Variants in EVL observed in about 807,000 individuals in gnomAD.
EVL encodes Enah/Vasp-like, also known as ena/VASP-like protein.
In EVL, 21 loss-of-function variants were observed where a neutral mutation model predicts 59.6. The ratio of observed to expected loss-of-function variants is 0.35; its 90% CI spans 0.25 to 0.51. The LOEUF (loss-of-function observed/expected upper bound fraction) is 0.51. EVL is among the 20% of genes least tolerant of loss of function. EVL has a pLI of 0.97. For synonymous variants in EVL, 198 were observed against 203.5 expected, an observed-to-expected ratio of 0.97 and a Z score of 0.23; for missense variants, 462 against 546.6, an observed-to-expected ratio of 0.85 and a Z score of 1.54.
At chr14:100,070,508 C>G (rs1262381984) in intron 1 of EVL, among the ~76,000 whole-genome samples, 1 of 152,210 alleles carries the variant, frequency 6.6e-6, no homozygotes, top group East Asian at 1.9e-4. Flanking sequence ...CCTCGTCTGT[C>G]CTGTAGCACC....
At chr14:100,106,697 C>A (rs1886593372) in intron 3 of EVL, 1 of 397,452 alleles carries the variant, frequency 2.5e-6, no homozygotes, top group African/African-American at 2.1e-5. Flanking sequence ...AAAAAGAGGA[C>A]CATCGGGCCT....
At chr14:100,111,148 A>ATTTTTTTTTT (rs35367426) in intron 3 of EVL, among the ~76,000 whole-genome samples, 10 of 86,796 alleles carry the variant, frequency 1.2e-4, no homozygotes, top group Non-Finnish European at 1.5e-4. Context: ...TAGTGTCCTC[A>ATTTTTTTTTT]TTTTTTTTTT....
Position 100,084,607 on chromosome 14 carries a change from G to T in EVL, c.12-80G>T, listed in dbSNP as rs1320296965. On this transcript the variant is annotated intron_variant, in intron 1 of 13. Coordinates refer to ENST00000392920, the MANE Select transcript of EVL (RefSeq NM_016337.3). ...AGTTTCTTTATGTCAAGTAGCAATT[G>T]GCCTCTATTTCAGAAAAGGGCAAAG... 5.5e-6 allele frequency: 8 copies of T among 1,453,990 alleles called. No homozygotes were observed. The African/African-American group carries it at 7.0e-5, about 13-fold the overall frequency. 90.1% of individuals were successfully genotyped at this position (1,453,990 alleles called of 1,614,324 possible).
chr14:100,028,118 G>GTTT (rs199895832), intron 1 of EVL, among the ~76,000 whole-genome samples: 1 of 113,740 alleles, frequency 8.8e-6, no homozygotes, highest in East Asian at 3.2e-4. Context: ...ACTTTTAGTT[G>GTTT]TTTTTTTGTT....
At chr14:99,999,495 A>G (rs983617569) in intron 1 of EVL, among the ~76,000 whole-genome samples, 1 of 152,242 alleles carries the variant, frequency 6.6e-6, no homozygotes. Flanking sequence ...TAAGTACTCA[A>G]TAAACAGCAC....
At position 100,132,627 on chromosome 14, in the gene EVL, G is replaced by A. The variant is rs539574105; in HGVS notation, c.840-92G>A. Reference sequence around the variant, plus strand: ...TCCCACACAGGTTTATCTGAGGACCGGGGTGAGTCTGGCAGGGTGGAGGCA... The same window carrying A: ...TCCCACACAGGTTTATCTGAGGACCAGGGTGAGTCTGGCAGGGTGGAGGCA... On this transcript the variant is annotated intron_variant, in intron 7 of 13. Coordinates refer to ENST00000392920, the MANE Select transcript of EVL (RefSeq NM_016337.3). The A allele has an allele frequency of 2.3e-5, 32 of 1,378,872 alleles. 1 individual carries two copies. In the South Asian group the frequency reaches 3.4e-4, roughly 14 times the overall value. The allele number at this position is 1,378,872 out of a possible 1,614,324, so 85.4% of individuals were successfully genotyped here. A position where few individuals can be genotyped will look rare whatever the true frequency, so the allele number is the denominator to read the frequency against.
At chr14:99,992,957 A>T (rs950377856) in intron 1 of EVL, among the ~76,000 whole-genome samples, 4 of 151,086 alleles carry the variant, frequency 2.6e-5, no homozygotes, top group African/African-American at 9.7e-5. Context: ...ATTAATTGAG[A>T]TGATTATATG....
chr14:100,129,491 C>A, intron 6 of EVL, 72 bp from the exon 7 acceptor site: 1 of 1,600,502 alleles, frequency 6.2e-7, no homozygotes. Flanking sequence ...TCCCCTGCAT[C>A]CCCTCACATC....
chr14:100,087,820 T>G lies in EVL; in HGVS notation c.180+2965T>G, dbSNP rs35500770. Among the ~76,000 whole-genome samples the G allele has an allele frequency of 6.2e-3, 946 of 152,316 alleles. 9 individuals carry two copies. The highest frequency in any genetic ancestry group is 0.016 in the South Asian group (75 of 4,824). On this transcript the variant is annotated intron_variant, in intron 2 of 13. Coordinates refer to ENST00000392920, the MANE Select transcript of EVL (RefSeq NM_016337.3). ...GTGGGTCATTCTTCCCGCAGAATGC[T>G]GGGACTGCATCTGAGTACAACAAAC...
In EVL at chr14:100,059,572, A is replaced by T. The variant is rs115163188; in HGVS notation, c.6-25115A>T. 9.5e-3 allele frequency among the ~76,000 whole-genome samples: 1,445 copies of T among 152,206 alleles called. 18 individuals carry two copies. Among genetic ancestry groups the T allele is most frequent in the African/African-American group, 0.033 (1,357 of 41,522 alleles). On this transcript the variant is annotated intron_variant, in intron 1 of 13. Coordinates refer to the EVL transcript ENST00000402714. ...AGAGATCGCCTGCTGTAGGGCTGAG[A>T]GCTGAATGATGATGCCAGAGGTCAT...
At chr14:99,977,315 G>A (rs981456977) in intron 1 of EVL, 25 of 152,048 alleles carry the variant, frequency 1.6e-4, no homozygotes, top group Admixed American at 1.2e-3. Context: ...TCCTTTCCAT[G>A]GTTCCTTTCT....
intron 3 of EVL, among the ~76,000 whole-genome samples, chr14:100,100,413 G>A (rs750848899): frequency 3.0e-4 from 46 of 152,218 alleles, no homozygotes; most frequent in Non-Finnish European, 4.9e-4. Context: ...TTCAGCCGAG[G>A]TCCAAGCCTA....
chr14:100,136,569 T>C (rs754163302), intron 9 of EVL, among the ~76,000 whole-genome samples: 267 of 152,220 alleles, frequency 1.8e-3, no homozygotes, highest in Non-Finnish European at 2.7e-3. Context: ...GTGCCAGGCC[T>C]GTGCTCATGA....
rs1293052381 is a variant in EVL at position 100,095,830 on chromosome 14, C to T, written c.181-1651C>T. ...GCAATCTCCACCTCCTGGGTTCAAG[C>T]GATTCTCGTGCCTCAGCCTCCCAAG... On this transcript the variant is annotated intron_variant, in intron 2 of 13. Transcript: ENST00000392920. Among the ~76,000 whole-genome samples, 4 of 152,188 alleles carry T rather than the reference C, an allele frequency of 2.6e-5. No individual in the cohort carries two copies. In the East Asian group the frequency reaches 5.8e-4, roughly 22 times the overall value.
intron 2 of EVL, chr14:100,085,225 C>T (rs1023874730): frequency 8.5e-5 from 14 of 164,022 alleles, no homozygotes; most frequent in Middle Eastern, 2.7e-3. Flanking sequence ...GGTTCATCAA[C>T]CTTCTAAGTC....
intron 3 of EVL, among the ~76,000 whole-genome samples, chr14:100,121,124 CAT>C (rs1298190625): frequency 2.0e-5 from 3 of 152,198 alleles, no homozygotes; most frequent in Admixed American, 6.5e-5. Context: ...GCAGGGAAGT[CAT>C]GTGTAGTGCC....
intron 1 of EVL, among the ~76,000 whole-genome samples, chr14:100,053,989 T>C (rs2061687145): frequency 6.6e-6 from 1 of 151,702 alleles, no homozygotes; most frequent in African/African-American, 2.4e-5. Context: ...AGTTCCGTAT[T>C]AATTAGTCTC....
intron 3 of EVL, among the ~76,000 whole-genome samples, chr14:100,120,307 G>A (rs1887614543): frequency 6.6e-6 from 1 of 152,172 alleles, no homozygotes; most frequent in East Asian, 1.9e-4. Context: ...TCCCCTTCCT[G>A]ACTTAGTTCA....
At chr14:99,992,270 C>G (rs1207748792) in intron 1 of EVL, among the ~76,000 whole-genome samples, 3 of 152,044 alleles carry the variant, frequency 2.0e-5, no homozygotes, top group Admixed American at 6.6e-5. Flanking sequence ...ATTACCTGTT[C>G]AAGTCACTTG....
Sources: gnomAD v4.1 joint callset for allele counts (sites outside exome capture counted in the v4.1 genomes callset) on GRCh38, gnomAD v4.1.1 for gene constraint, MANE v1.5 for transcripts, NCBI Gene and HGNC (gene_info 2026-07-23, HGNC 2026-07-21) for gene names.